The following FAM13A variants were observed in gnomAD, a reference collection of about 807,000 sequenced individuals.
FAM13A encodes family with sequence similarity 13 member A.
FAM13A carries 76 observed loss-of-function variants against 129.6 expected under a neutral mutation model. The observed-to-expected ratio is 0.59, with a 90% CI of 0.49 to 0.71. FAM13A has a LOEUF of 0.71. FAM13A is among the 30% of genes least tolerant of loss of function. The pLI is 0.00. For missense variants in FAM13A, 1,108 were observed against 1,249.3 expected (o/e 0.89, Z 1.70); for synonymous variants, 443 against 449.9 (o/e 0.98, Z 0.20).
chr4:88,912,055 T>C (rs1039361502), intron 5 of FAM13A, among the ~76,000 whole-genome samples: 10 of 152,254 alleles, frequency 6.6e-5, no homozygotes, highest in African/African-American at 2.4e-4. Context: ...TGAATTACTG[T>C]CTTCTCTTAG....
chr4:88,835,194 C>T lies in FAM13A; in HGVS notation c.1007+15826G>A, dbSNP rs565290615. Among the ~76,000 whole-genome samples, 24 of 152,256 alleles carry T rather than the reference C, an allele frequency of 1.6e-4. No individual in the cohort carries two copies. In the South Asian group the frequency reaches 3.1e-3, roughly 20 times the overall value. On this transcript the variant is annotated intron_variant, in intron 7 of 23. Coordinates refer to ENST00000264344, the MANE Select transcript of FAM13A (RefSeq NM_014883.4). The stretch of plus-strand genomic sequence containing the variant: ...CTGAATGAACCACTTTGCCCCCTAT[C>T]GTGCCCTGCTTTCCCATCACTAGTT...
intron 4 of FAM13A, among the ~76,000 whole-genome samples, chr4:88,969,369 A>C (rs968474481): frequency 6.6e-6 from 1 of 152,168 alleles, no homozygotes; most frequent in African/African-American, 2.4e-5. Context: ...TACAGGATGA[A>C]GAGCTCATGT....
Position 88,746,959 on chromosome 4 carries a change from T to C in FAM13A, c.2439A>G (p.Leu813=). ...GCCGTCCATGAATGCTTTCATAATA[T>C]AACAGAGCTTTCTGCAGAGCCACTT... is the stretch of plus-strand genomic sequence containing the variant. ...NEKVALQKAL[L]YYESIHGRPV... Residue 813 remains leucine, a synonymous_variant, in exon 19 of 24, where the codon TTA becomes TTG. Transcript: ENST00000264344. 6.2e-7 allele frequency: 1 copy of C among 1,613,692 alleles called. No homozygotes were observed. Among genetic ancestry groups the C allele is most frequent in the Non-Finnish European group, 8.5e-7 (1 of 1,179,604 alleles).
chr4:88,940,829 A>C (rs1754635793), intron 4 of FAM13A, among the ~76,000 whole-genome samples: 1 of 152,190 alleles, frequency 6.6e-6, no homozygotes, highest in Admixed American at 6.5e-5. Flanking sequence ...TTTTTAAACG[A>C]TCTGTGGATA....
chr4:88,781,016 AATACAAATATAT>A (rs1440694933), intron 11 of FAM13A, 137 bp downstream of exon 11: 5 of 414,160 alleles, frequency 1.2e-5, no homozygotes, highest in African/African-American at 2.1e-5. Context: ...ATTAAAAAGA[AATACAAATATAT>A]ATACACTTAG....
intron 7 of FAM13A, among the ~76,000 whole-genome samples, chr4:88,816,248 T>G (rs907756309): frequency 3.3e-5 from 5 of 152,048 alleles, no homozygotes; most frequent in Non-Finnish European, 5.9e-5. Context: ...AAGGTAAATA[T>G]CAAATACTCC....
At chr4:88,963,482 G>C (rs1758921619) in intron 4 of FAM13A, among the ~76,000 whole-genome samples, 1 of 151,994 alleles carries the variant, frequency 6.6e-6, no homozygotes, top group Non-Finnish European at 1.5e-5. Context: ...ATTTTTATTA[G>C]AGACGGGGTT....
chr4:89,030,784 T>C (rs1176209850), intron 1 of FAM13A, among the ~76,000 whole-genome samples: 1 of 152,170 alleles, frequency 6.6e-6, no homozygotes, highest in East Asian at 1.9e-4. Context: ...GTGCAGTTTA[T>C]GTACAATTAT....
chr4:88,800,162 G>T (rs1265073817), intron 8 of FAM13A, among the ~76,000 whole-genome samples: 1 of 152,142 alleles, frequency 6.6e-6, no homozygotes, highest in African/African-American at 2.4e-5. Flanking sequence ...GAGGAAATGA[G>T]AAATTAGTGT....
intron 3 of FAM13A, among the ~76,000 whole-genome samples, chr4:89,001,116 T>C (rs1338453080): frequency 6.6e-6 from 1 of 152,202 alleles, no homozygotes; most frequent in East Asian, 1.9e-4. Context: ...GTGTACCCAG[T>C]AAAGAAAAGA....
At chr4:88,791,752 T>C (rs568492513) in intron 8 of FAM13A, among the ~76,000 whole-genome samples, 20 of 152,230 alleles carry the variant, frequency 1.3e-4, no homozygotes, top group African/African-American at 4.3e-4. Context: ...TATGAATATG[T>C]TGCTTGGGAA....
chr4:88,729,849 G>C (rs1358504036), intron 23 of FAM13A: 1 of 152,126 alleles, frequency 6.6e-6, no homozygotes, highest in Non-Finnish European at 1.5e-5. Context: ...CAAAAAATAG[G>C]CTTAGATGAA....
At chr4:89,005,625 A>G (rs1764893386) in intron 3 of FAM13A, among the ~76,000 whole-genome samples, 1 of 152,112 alleles carries the variant, frequency 6.6e-6, no homozygotes, top group Non-Finnish European at 1.5e-5. Flanking sequence ...TGGTGAGATA[A>G]TATCTCATTG....
chr4:88,851,979 A>G (rs1421154158), intron 6 of FAM13A, among the ~76,000 whole-genome samples: 1 of 152,154 alleles, frequency 6.6e-6, no homozygotes, highest in Non-Finnish European at 1.5e-5. Flanking sequence ...GAAACCTCGG[A>G]TCAATTGTAT....
chr4:88,992,295 T>C (rs1350012034), intron 3 of FAM13A, among the ~76,000 whole-genome samples: 1 of 150,584 alleles, frequency 6.6e-6, no homozygotes, highest in Non-Finnish European at 1.5e-5. Flanking sequence ...TTAAGGAGTC[T>C]CGCTCTTGTC....
intron 5 of FAM13A, among the ~76,000 whole-genome samples, chr4:88,913,422 A>G (rs1289325934): frequency 7.1e-6 from 1 of 139,900 alleles, no homozygotes; most frequent in Non-Finnish European, 1.5e-5. Context: ...TAGAAGTAGT[A>G]GTAGAGGGAA....
chr4:88,957,475 A>G (rs1047824394), intron 4 of FAM13A, among the ~76,000 whole-genome samples: 1 of 152,222 alleles, frequency 6.6e-6, no homozygotes, highest in East Asian at 1.9e-4. Flanking sequence ...TGATGAGCCA[A>G]TTAGACCTCT....
chr4:88,875,466 CA>C (rs1201521156), intron 6 of FAM13A, among the ~76,000 whole-genome samples: 3 of 152,136 alleles, frequency 2.0e-5, no homozygotes, highest in Non-Finnish European at 4.4e-5. Flanking sequence ...ACAACCCCAT[CA>C]AAAAGTGGGC....
At chr4:88,841,975 T>C (rs1735908680) in intron 7 of FAM13A, among the ~76,000 whole-genome samples, 1 of 152,212 alleles carries the variant, frequency 6.6e-6, no homozygotes, top group African/African-American at 2.4e-5. Context: ...GCATTATTCA[T>C]AATAGCCAAA....
Sources: allele counts gnomAD v4.1 joint callset (sites outside exome capture counted in the v4.1 genomes callset), GRCh38; gene constraint gnomAD v4.1.1; transcripts MANE v1.5; gene names NCBI Gene and HGNC (gene_info 2026-07-23, HGNC 2026-07-21).